RPP30: variants seen among roughly 807,000 people sequenced by gnomAD.
The protein encoded by RPP30 is ribonuclease P/MRP subunit p30, also known as ribonuclease P protein subunit p30.
Under a neutral mutation model 38.6 loss-of-function variants are expected in RPP30, and 36 were observed. The observed-to-expected ratio is 0.93, with a 90% CI of 0.71 to 1.23. The LOEUF (loss-of-function observed/expected upper bound fraction) is 1.23, where lower values mean the gene tolerates loss of function less well. RPP30 is among the 50% of genes most tolerant of loss of function. RPP30 has a pLI of 0.00. For missense variants in RPP30, 321 were observed against 321.7 expected (o/e 1.00, Z 0.02); for synonymous variants, 126 against 112.7 (o/e 1.12, Z -0.75).
chr10:90,882,413 C>T lies in RPP30; in HGVS notation c.342+3279C>T, dbSNP rs553059412. Among the ~76,000 whole-genome samples the T allele has an allele frequency of 1.7e-3, 262 of 152,326 alleles. 2 individuals are homozygous for T. The highest frequency in any genetic ancestry group is 6.0e-3 in the African/African-American group (251 of 41,572). ...TAAATGGGCCAGGCATGGTGGCTCA[C>T]GCCTGTAATCCTAGCACTTTGGGAG... On this transcript the variant is annotated intron_variant, in intron 5 of 10. Coordinates refer to ENST00000371703, the MANE Select transcript of RPP30 (RefSeq NM_006413.5).
intron 5 of RPP30, among the ~76,000 whole-genome samples, chr10:90,880,836 A>C (rs966623738): frequency 6.6e-6 from 1 of 152,188 alleles, no homozygotes; most frequent in Non-Finnish European, 1.5e-5. Context: ...ACTTTTTAAA[A>C]TCAGGCACAT....
rs1187453814 is a variant in RPP30, at chr10:90,901,425, G to T, written c.*746G>T. 1 of 984,922 alleles carries T rather than the reference G, an allele frequency of 1.0e-6. No homozygotes were observed. Among genetic ancestry groups the T allele is most frequent in the Non-Finnish European group, 1.2e-6 (1 of 829,640 alleles). 61.0% of individuals were successfully genotyped at this position (984,922 alleles called of 1,614,324 possible). A position where few individuals can be genotyped will look rare whatever the true frequency, so the allele number is the denominator to read the frequency against. On this transcript the variant is annotated 3_prime_UTR_variant, in exon 11 of 11. Coordinates refer to ENST00000371703, the MANE Select transcript of RPP30 (RefSeq NM_006413.5). Reference sequence around the variant, plus strand: ...AAGCTTCTTTCATGTATTCAAATCAGCATTTTTTTCTAAGAAATTGCTATA... The same window carrying T: ...AAGCTTCTTTCATGTATTCAAATCATCATTTTTTTCTAAGAAATTGCTATA...
intron 10 of RPP30, among the ~76,000 whole-genome samples, chr10:90,897,103 C>CT: frequency 6.6e-6 from 1 of 152,232 alleles, no homozygotes; most frequent in Middle Eastern, 3.4e-3. Context: ...TTTTCACTGA[C>CT]TGAGTTTCCT....
chr10:90,883,005 T>G (rs752738653), intron 5 of RPP30, among the ~76,000 whole-genome samples: 2 of 152,112 alleles, frequency 1.3e-5, no homozygotes, highest in African/African-American at 2.4e-5. Flanking sequence ...ACTTAATGAA[T>G]CAATGGAGGT....
chr10:90,903,563 C>T (rs746054496), downstream of RPP30, among the ~76,000 whole-genome samples: 2 of 152,178 alleles, frequency 1.3e-5, no homozygotes, highest in Non-Finnish European at 2.9e-5. Flanking sequence ...TGCAGTTGTG[C>T]GTGCTTTCTA....
intron 6 of RPP30, among the ~76,000 whole-genome samples, chr10:90,887,880 G>A (rs1392460774): frequency 6.6e-6 from 1 of 152,200 alleles, no homozygotes; most frequent in Non-Finnish European, 1.5e-5. Flanking sequence ...AAAACTACAA[G>A]AAGTCATTCA....
At chr10:90,902,310 T>A, downstream of RPP30, 1 of 400,478 alleles carries the variant, frequency 2.5e-6, no homozygotes, top group Non-Finnish European at 4.7e-6. Flanking sequence ...CTTTGCCTCT[T>A]GGGCTCAAGC....
chr10:90,878,908 C>T (rs1846887117), intron 4 of RPP30, among the ~76,000 whole-genome samples, 155 bp from the exon 5 acceptor site: 2 of 151,266 alleles, frequency 1.3e-5, no homozygotes, highest in South Asian at 4.2e-4. Flanking sequence ...TTCTCATGTG[C>T]TTATGTCTTT....
intron 5 of RPP30, among the ~76,000 whole-genome samples, chr10:90,883,430 C>T (rs918277871): frequency 6.6e-6 from 1 of 152,068 alleles, no homozygotes; most frequent in Non-Finnish European, 1.5e-5. Context: ...ATATAGAAAG[C>T]GTTTCATTGT....
downstream of RPP30, chr10:90,903,200 A>G (rs752925670): frequency 6.3e-7 from 1 of 1,591,996 alleles, no homozygotes. Context: ...AGGAACTAGA[A>G]TTCAACAAAG....
downstream of RPP30, among the ~76,000 whole-genome samples, chr10:90,903,453 C>T (rs1306791706): frequency 1.3e-5 from 2 of 152,084 alleles, no homozygotes; most frequent in South Asian, 2.1e-4. Context: ...TTTGCAGATA[C>T]GACTGTCTTG....
intron 10 of RPP30, among the ~76,000 whole-genome samples, chr10:90,899,914 A>G (rs1434805294): frequency 6.6e-6 from 1 of 152,234 alleles, no homozygotes; most frequent in Non-Finnish European, 1.5e-5. Flanking sequence ...GTAGGTTTCT[A>G]GGAAAAATTG....
intron 6 of RPP30, among the ~76,000 whole-genome samples, chr10:90,888,563 C>T (rs1016119408): frequency 1.6e-4 from 25 of 152,204 alleles, no homozygotes; most frequent in African/African-American, 5.8e-4. Context: ...TATCAGGGTA[C>T]AGCATAGGGG....
intron 6 of RPP30, among the ~76,000 whole-genome samples, chr10:90,889,759 A>G (rs981789041): frequency 2.0e-5 from 3 of 152,100 alleles, no homozygotes; most frequent in African/African-American, 7.2e-5. Context: ...TAGCATACCA[A>G]ACACTCCATT....
In RPP30 at chr10:90,896,375, C is replaced by T. The variant is rs779691045; in HGVS notation, c.680C>T (p.Ala227Val). Reference sequence around the variant, plus strand: ...GCTGCGGTGTCCACCAACTGCCGAGCAGCGCTTCTCCATGGAGGTAAGCAA... The same window carrying T: ...GCTGCGGTGTCCACCAACTGCCGAGTAGCGCTTCTCCATGGAGGTAAGCAA... Reference protein sequence around the residue: ...AKAAVSTNCRAALLHGETRKT... With the variant: ...AKAAVSTNCRVALLHGETRKT... Residue 227 changes from alanine (A) to valine (V), a missense_variant, in exon 10 of 11, where the codon GCA becomes GTA. By Grantham distance (64) the Ala-to-Val change is moderately conservative. Transcript: ENST00000371703. The T allele has an allele frequency of 2.5e-6, 4 of 1,613,960 alleles. No homozygotes were observed. The highest frequency in any genetic ancestry group is 1.1e-5 in the South Asian group (1 of 91,078).
intron 4 of RPP30, 37 bp downstream of exon 4, chr10:90,876,135 G>T: frequency 7.6e-7 from 1 of 1,308,022 alleles, no homozygotes; most frequent in East Asian, 2.3e-5. Flanking sequence ...TTTTGGCTTT[G>T]TGAGTTGTAT....
chr10:90,886,968 G>T (rs74529341), intron 6 of RPP30, among the ~76,000 whole-genome samples: 31,726 of 151,338 alleles, frequency 0.21, 3,432 homozygotes, highest in African/African-American at 0.26. Context: ...ATTATTAGTA[G>T]TAGTAGTAGT....
chr10:90,883,475 A>G (rs1390570937), intron 5 of RPP30, among the ~76,000 whole-genome samples: 3 of 152,200 alleles, frequency 2.0e-5, no homozygotes, highest in Non-Finnish European at 4.4e-5. Flanking sequence ...GTGGTTATCT[A>G]AAAGTATTGA....
downstream of RPP30, among the ~76,000 whole-genome samples, chr10:90,904,545 G>C (rs1847233895): frequency 6.6e-6 from 1 of 152,290 alleles, no homozygotes; most frequent in African/African-American, 2.4e-5. Flanking sequence ...GGGTGCCATG[G>C]CTTACACTTG....
Sources: allele counts gnomAD v4.1 joint callset (sites outside exome capture counted in the v4.1 genomes callset), GRCh38; gene constraint gnomAD v4.1.1; transcripts MANE v1.5; gene names NCBI Gene and HGNC (gene_info 2026-07-23, HGNC 2026-07-21).